The following IL15 variants were observed in gnomAD, a reference collection of about 807,000 sequenced individuals.
IL15 encodes the protein interleukin-15.
A neutral mutation model predicts 19.6 loss-of-function variants in IL15; 11 were observed. That is an observed-to-expected ratio of 0.56 (90% confidence interval 0.35 to 0.93). IL15 has a LOEUF of 0.93. Ranked by LOEUF, IL15 falls within the 40% of genes least tolerant of loss-of-function variation. The pLI, the probability that IL15 is intolerant of heterozygous loss-of-function variation, is 0.01. For missense variants in IL15, 197 were observed against 186.5 expected, an observed-to-expected ratio of 1.06 and a Z score of -0.33; for synonymous variants, 58 against 59.6, an observed-to-expected ratio of 0.97 and a Z score of 0.12.
intron 2 of IL15, among the ~76,000 whole-genome samples, chr4:141,688,392 G>A (rs1190631587): frequency 6.6e-6 from 1 of 152,162 alleles, no homozygotes; most frequent in Non-Finnish European, 1.5e-5. Context: ...GGGGATGAGG[G>A]AGGAGATCGC....
At chr4:141,672,299 C>A (rs1163392708) in intron 2 of IL15, among the ~76,000 whole-genome samples, 4 of 152,152 alleles carry the variant, frequency 2.6e-5, no homozygotes, top group African/African-American at 9.7e-5. Context: ...TGCTTAATAT[C>A]TGTCACTTTT....
At chr4:141,707,345 C>A (rs549328985) in intron 2 of IL15, among the ~76,000 whole-genome samples, 10 of 152,124 alleles carry the variant, frequency 6.6e-5, no homozygotes, top group African/African-American at 2.4e-4. Context: ...TCTCACTGAG[C>A]TTTTTAAAGA....
At chr4:141,665,344 C>A (rs1226893048) in intron 2 of IL15, among the ~76,000 whole-genome samples, 1 of 151,916 alleles carries the variant, frequency 6.6e-6, no homozygotes. Flanking sequence ...TTCAAACTGC[C>A]CTCTTTTTAA....
chr4:141,677,520 C>T (rs575682105), intron 2 of IL15, among the ~76,000 whole-genome samples: 57 of 152,048 alleles, frequency 3.7e-4, no homozygotes, highest in Non-Finnish European at 6.3e-4. Flanking sequence ...TTGTCTTTGC[C>T]GGGGATCAGT....
At chr4:141,641,393 CAT>C (rs1048769035) in intron 1 of IL15, among the ~76,000 whole-genome samples, 1 of 152,022 alleles carries the variant, frequency 6.6e-6, no homozygotes, top group African/African-American at 2.4e-5. Context: ...TGTAAAGACA[CAT>C]GTTTATTGCA....
chr4:141,698,262 T>C (rs1246672074), intron 2 of IL15, among the ~76,000 whole-genome samples: 1 of 152,106 alleles, frequency 6.6e-6, no homozygotes, highest in African/African-American at 2.4e-5. Context: ...AGGATTTTTG[T>C]ATCTATGTTT....
chr4:141,649,130 A>G (rs1727324161), intron 1 of IL15, among the ~76,000 whole-genome samples: 1 of 152,010 alleles, frequency 6.6e-6, no homozygotes, highest in African/African-American at 2.4e-5. Flanking sequence ...GGAATGCACT[A>G]CTTCATCCAG....
chr4:141,710,478 A>G (rs1729680975), intron 2 of IL15, among the ~76,000 whole-genome samples: 2 of 150,636 alleles, frequency 1.3e-5, no homozygotes. Context: ...TTTTTGTTTC[A>G]TTTCTTATAA....
At chr4:141,685,972 T>C (rs1174022037) in intron 2 of IL15, among the ~76,000 whole-genome samples, 1 of 152,114 alleles carries the variant, frequency 6.6e-6, no homozygotes, top group Non-Finnish European at 1.5e-5. Context: ...TTTGATATTA[T>C]TTAGAACCTA....
Position 141,706,089 on chromosome 4 carries a change from C to T in IL15, c.-99-13277C>T, listed in dbSNP as rs183419026. On this transcript the variant is annotated intron_variant, in intron 2 of 7. Coordinates refer to ENST00000320650, the MANE Select transcript of IL15 (RefSeq NM_000585.5). ...TTGATAGATAATAACTTACTCCTAA[C>T]ATTAAAAAAATTACTTTCTGGTTAT... is the stretch of plus-strand genomic sequence containing the variant. Among the ~76,000 whole-genome samples the T allele has an allele frequency of 1.1e-3, 173 of 151,950 alleles. 1 individual carries two copies. Among genetic ancestry groups the T allele is most frequent in the African/African-American group, 4.0e-3 (165 of 41,512 alleles).
At chr4:141,718,358 A>T (rs1422618923) in intron 2 of IL15, 1 of 152,202 alleles carries the variant, frequency 6.6e-6, no homozygotes, top group African/African-American at 2.4e-5. Context: ...TGAAATGATG[A>T]AGATTACGGT....
At chr4:141,652,285 G>C (rs1306702882) in intron 1 of IL15, among the ~76,000 whole-genome samples, 2 of 152,086 alleles carry the variant, frequency 1.3e-5, no homozygotes, top group Non-Finnish European at 1.5e-5. Flanking sequence ...TGTTAGCTCT[G>C]TCTCAGATAA....
At chr4:141,664,807 C>G (rs1294856246) in intron 2 of IL15, among the ~76,000 whole-genome samples, 1 of 152,066 alleles carries the variant, frequency 6.6e-6, no homozygotes, top group Non-Finnish European at 1.5e-5. Flanking sequence ...GGAATTGAAG[C>G]CTAATTCTTA....
intron 2 of IL15, 147 bp from the exon 3 acceptor site, chr4:141,719,219 C>T (rs41258494): frequency 0.019 from 6,715 of 362,934 alleles, 98 homozygotes; most frequent in South Asian, 0.041. Flanking sequence ...TCCTCCATAC[C>T]ATTATTGTAA....
intron 2 of IL15, among the ~76,000 whole-genome samples, chr4:141,687,627 C>T (rs1210542930): frequency 6.6e-6 from 1 of 152,034 alleles, no homozygotes; most frequent in Non-Finnish European, 1.5e-5. Context: ...TAGCACTTAC[C>T]CGAATTGTTT....
At chr4:141,642,046 GA>G (rs952894584) in intron 1 of IL15, among the ~76,000 whole-genome samples, 321 of 149,324 alleles carry the variant, frequency 2.1e-3, no homozygotes, top group African/African-American at 7.2e-3. Flanking sequence ...ACGTGCTCTT[GA>G]AAAAAAAACT....
In IL15 at chr4:141,732,782, A is replaced by T. The variant is rs749133260; in HGVS notation, c.423A>T (p.Glu141Asp). Residue 141 changes from glutamate (E) to aspartate (D), a missense_variant, in exon 8 of 8, where the codon GAA becomes GAT. Glu to Asp is a conservative substitution (Grantham distance 45). Transcript: ENST00000320650. ...SGCKECEELE[E>D]KNIKEFLQSF... ...GCAAAGAATGTGAGGAACTGGAGGA[A>T]AAAAATATTAAAGAATTTTTGCAGA... 2 of 1,613,136 alleles carry T rather than the reference A, an allele frequency of 1.2e-6. No individual in the cohort carries two copies. Among genetic ancestry groups the T allele is most frequent in the Non-Finnish European group, 1.7e-6 (2 of 1,179,668 alleles).
chr4:141,726,745 C>T (rs188260687), intron 5 of IL15, among the ~76,000 whole-genome samples: 1 of 152,018 alleles, frequency 6.6e-6, no homozygotes, highest in Admixed American at 6.6e-5. Flanking sequence ...TACTACAGAG[C>T]AATAAAAAGG....
intron 2 of IL15, among the ~76,000 whole-genome samples, chr4:141,705,329 A>G (rs943426245): frequency 2.0e-5 from 3 of 151,702 alleles, no homozygotes; most frequent in African/African-American, 7.3e-5. Flanking sequence ...TACTTCCCTC[A>G]TTGACCCATT....
Sources: allele counts gnomAD v4.1 joint callset (sites outside exome capture counted in the v4.1 genomes callset), GRCh38; gene constraint gnomAD v4.1.1; transcripts MANE v1.5; gene names NCBI Gene and HGNC (gene_info 2026-07-23, HGNC 2026-07-21).